The following SMARCA2 variants were observed in gnomAD, a reference collection of about 807,000 sequenced individuals.
SMARCA2 encodes SWI/SNF related BAF chromatin remodeling complex subunit ATPase 2, also known as SWI/SNF-related matrix-associated actin-dependent regulator of chromatin subfamily A member 2.
SMARCA2 carries 61 observed loss-of-function variants against 199.8 expected under a neutral mutation model. The ratio of observed to expected loss-of-function variants is 0.31; its 90% CI spans 0.25 to 0.38. SMARCA2 has a LOEUF of 0.38. SMARCA2 is among the 10% of genes least tolerant of loss of function. The probability of loss-of-function intolerance (pLI) is 1.00; values close to 1 mark genes in which losing one functional copy is unlikely to be tolerated. For missense variants in SMARCA2, 1,344 were observed against 2,012.2 expected (o/e 0.67, Z 6.35); for synonymous variants, 935 against 732.0 (o/e 1.28, Z -4.48).
Position 2,039,401 on chromosome 9 carries a change from C to A in SMARCA2, c.356-65C>A. 1 of 1,482,278 alleles carries A rather than the reference C, an allele frequency of 6.7e-7. No individual in the cohort carries two copies. Among genetic ancestry groups the A allele is most frequent in the Non-Finnish European group, 9.2e-7 (1 of 1,086,038 alleles). 91.8% of individuals were successfully genotyped at this position (1,482,278 alleles called of 1,614,324 possible). On this transcript the variant is annotated intron_variant, in intron 3 of 33. Coordinates refer to ENST00000349721, the MANE Select transcript of SMARCA2 (RefSeq NM_003070.5). The surrounding 1 kb of genome is among the most constrained non-coding windows in gnomAD (Gnocchi z 4.8). ...TGCTGTGGACAATTATTAGAGTATT[C>A]AGGGATATCTCTCTTTCAGGGTTGT... is the stretch of plus-strand genomic sequence containing the variant.
rs1306231674 is a variant in SMARCA2 at position 2,083,406 on chromosome 9, C to G, written c.2408C>G (p.Ser803Cys). The change falls in exon 16 of 34, where the codon TCT becomes TGT. Residue 803 changes from serine (S) to cysteine (C), a missense_variant. Transcript: ENST00000349721. ...TGGGCTCCTTCTGTGGTGAAGATTT[C>G]TTACAAGGTTTGGAATGCTGTATTT... ...DKWAPSVVKI[S>C]YKGTPAMRRS... The G allele has an allele frequency of 2.5e-6, 4 of 1,602,542 alleles. No individual in the cohort carries two copies. The highest frequency in any genetic ancestry group is 2.6e-6 in the Non-Finnish European group (3 of 1,172,828).
intron 27 of SMARCA2, among the ~76,000 whole-genome samples, chr9:2,144,075 G>C (rs1011444297): frequency 3.3e-5 from 5 of 149,660 alleles, no homozygotes; most frequent in Non-Finnish European, 7.4e-5. Flanking sequence ...GGAGATGGGG[G>C]GGGATGTAGG....
At chr9:2,079,844 G>T (rs1426901754) in intron 14 of SMARCA2, 1 of 152,178 alleles carries the variant, frequency 6.6e-6, no homozygotes, top group Non-Finnish European at 1.5e-5. Context: ...ATGCCACATG[G>T]GTTTTCTTCT....
At chr9:2,059,580 T>A (rs1211580707) in intron 8 of SMARCA2, among the ~76,000 whole-genome samples, 3 of 152,234 alleles carry the variant, frequency 2.0e-5, no homozygotes, top group African/African-American at 7.2e-5. Flanking sequence ...TGATTAGGCA[T>A]TTGCAAATCA....
chr9:2,124,332 C>T (rs950751741), intron 27 of SMARCA2, among the ~76,000 whole-genome samples: 1 of 152,214 alleles, frequency 6.6e-6, no homozygotes, highest in Admixed American at 6.5e-5. Flanking sequence ...ATTGTTCCCC[C>T]TCATTTCATG....
intron 19 of SMARCA2, among the ~76,000 whole-genome samples, chr9:2,090,324 T>C (rs1457541302): frequency 1.3e-5 from 2 of 152,166 alleles, no homozygotes; most frequent in Admixed American, 1.3e-4. Context: ...TGTAAAATAC[T>C]CAGTGTGTGG....
chr9:2,172,415 A>G (rs752718419), intron 29 of SMARCA2, among the ~76,000 whole-genome samples: 7 of 147,618 alleles, frequency 4.7e-5, no homozygotes, highest in Non-Finnish European at 7.4e-5. Flanking sequence ...TTTCTCAAAC[A>G]GACGGGTGAA....
At chr9:2,113,727 G>A (rs1193203104) in intron 24 of SMARCA2, among the ~76,000 whole-genome samples, 6 of 152,118 alleles carry the variant, frequency 3.9e-5, no homozygotes, top group South Asian at 2.1e-4. Context: ...ATGTCTGACC[G>A]TGTTCCTATG....
rs1818389577 is a variant in SMARCA2 at position 2,017,157 on chromosome 9, C to T, written c.-37+1753C>T. Reference sequence around the variant, plus strand: ...CTCGCCTCCGCCTCCGCCTCTGCCGCCTGGATTGCATTATTATTTTTATCC... The same window carrying T: ...CTCGCCTCCGCCTCCGCCTCTGCCGTCTGGATTGCATTATTATTTTTATCC... On this transcript the variant is annotated intron_variant, in intron 1 of 33. Coordinates refer to ENST00000349721, the MANE Select transcript of SMARCA2 (RefSeq NM_003070.5). This position sits in a 1 kb window ranked among gnomAD's most constrained non-coding sequence, Gnocchi z 8.8. 1 of 152,478 alleles carries T rather than the reference C, an allele frequency of 6.6e-6. No homozygotes were observed. The highest frequency in any genetic ancestry group is 1.5e-5 in the Non-Finnish European group (1 of 68,326). The allele number at this position is 152,478 out of a possible 1,614,324, so 9.4% of individuals were successfully genotyped here.
At chr9:2,069,898 C>T (rs1221973406) in intron 9 of SMARCA2, among the ~76,000 whole-genome samples, 1 of 152,140 alleles carries the variant, frequency 6.6e-6, no homozygotes, top group East Asian at 1.9e-4. Flanking sequence ...TGGAGATCAT[C>T]GTACCCAATA....
In SMARCA2 at chr9:2,116,970, C is replaced by A. The variant is rs564537918; in HGVS notation, c.3684+921C>A. On this transcript the variant is annotated intron_variant, in intron 25 of 33. Transcript: ENST00000349721. Reference sequence around the variant, plus strand: ...TAAATAGGATATGTGTTTTTGCATTCTTCTATAAATTATGAACCTGAGTCT... The same window carrying A: ...TAAATAGGATATGTGTTTTTGCATTATTCTATAAATTATGAACCTGAGTCT... Among the ~76,000 whole-genome samples, 27 of 152,174 alleles carry A rather than the reference C, an allele frequency of 1.8e-4. No homozygotes were observed. The South Asian group carries it at 5.4e-3, about 30-fold the overall frequency.
At chr9:2,050,346 T>C (rs781185855) in intron 5 of SMARCA2, among the ~76,000 whole-genome samples, 22 of 152,210 alleles carry the variant, frequency 1.4e-4, no homozygotes, top group Non-Finnish European at 3.2e-4. Flanking sequence ...TTTTTTTCTT[T>C]TTGGCACACT....
chr9:2,030,372 A>G (rs1819008842), intron 2 of SMARCA2, among the ~76,000 whole-genome samples: 1 of 151,940 alleles, frequency 6.6e-6, no homozygotes, highest in African/African-American at 2.4e-5. Flanking sequence ...AGAACTGATG[A>G]TGTGAGTTCC....
chr9:2,139,348 T>C (rs1210642453), intron 27 of SMARCA2, among the ~76,000 whole-genome samples: 2 of 152,014 alleles, frequency 1.3e-5, no homozygotes, highest in Non-Finnish European at 2.9e-5. Context: ...GAATGGGGAA[T>C]GCTGATTGGT....
chr9:2,185,498 A>G (rs775188136), intron 31 of SMARCA2, among the ~76,000 whole-genome samples: 2 of 152,194 alleles, frequency 1.3e-5, no homozygotes, highest in African/African-American at 2.4e-5. Context: ...TCTTTTCAAG[A>G]CGCCTCTTGT....
intron 2 of SMARCA2, among the ~76,000 whole-genome samples, chr9:2,030,821 C>T (rs1358854093): frequency 3.3e-5 from 5 of 152,138 alleles, no homozygotes; most frequent in Non-Finnish European, 5.9e-5. Flanking sequence ...CAAGTCTTTC[C>T]TCCAGTTACG....
chr9:2,024,577 G>T (rs1170886977), intron 1 of SMARCA2, among the ~76,000 whole-genome samples: 14 of 152,136 alleles, frequency 9.2e-5, no homozygotes, highest in Non-Finnish European at 2.1e-4. Flanking sequence ...CTAGCCTGTG[G>T]TAAGTTAATA....
chr9:2,160,126 T>G (rs893525527), intron 27 of SMARCA2: 1 of 582,940 alleles, frequency 1.7e-6, no homozygotes, highest in Non-Finnish European at 2.9e-6. Flanking sequence ...TTCCTTTTCT[T>G]AATCTTCGCT....
chr9:2,138,306 CTTCTT>C (rs911011612), intron 27 of SMARCA2, among the ~76,000 whole-genome samples: 9 of 152,094 alleles, frequency 5.9e-5, no homozygotes, highest in Admixed American at 5.9e-4. Flanking sequence ...GATGGCTTCC[CTTCTT>C]TTATGTTAAA....
Sources: allele counts gnomAD v4.1 joint callset (sites outside exome capture counted in the v4.1 genomes callset), GRCh38; gene constraint gnomAD v4.1.1; non-coding constraint Gnocchi (gnomAD v3.1); transcripts MANE v1.5; gene names NCBI Gene and HGNC (gene_info 2026-07-23, HGNC 2026-07-21).